HGFAC: variants seen among roughly 807,000 people sequenced by gnomAD.
The protein encoded by HGFAC is hepatocyte growth factor activator serine protease.
HGFAC carries 76 observed loss-of-function variants against 70.6 expected under a neutral mutation model. The observed-to-expected ratio is 1.08, with a 90% CI of 0.89 to 1.30. The LOEUF is 1.30. Ranked by LOEUF, HGFAC falls within the 50% of genes most tolerant of loss-of-function variation. The pLI, the probability that HGFAC is intolerant of heterozygous loss-of-function variation, is 0.00. For synonymous variants in HGFAC, 464 were observed against 405.3 expected, an observed-to-expected ratio of 1.14 and a Z score of -1.74; for missense variants, 1,044 against 933.7, an observed-to-expected ratio of 1.12 and a Z score of -1.54.
intron 7 of HGFAC, 39 bp from the exon 8 acceptor site, chr4:3,444,780 A>G (rs1426983098): frequency 6.3e-7 from 1 of 1,578,522 alleles, no homozygotes; most frequent in South Asian, 1.2e-5. Flanking sequence ...TGCCGGGTGG[A>G]CCCACCGTGG....
At chr4:3,443,247 G>C (rs1006386771) in intron 3 of HGFAC, 94 bp from the exon 4 acceptor site, 24 of 1,338,440 alleles carry the variant, frequency 1.8e-5, no homozygotes, top group Non-Finnish European at 2.3e-5. Flanking sequence ...CACGCAGCAG[G>C]CGGACCCAGT....
chr4:3,446,251 C>T lies in HGFAC; in HGVS notation c.1312C>T (p.His438Tyr), dbSNP rs749967804. 5 of 1,610,206 alleles carry T rather than the reference C, an allele frequency of 3.1e-6. No individual in the cohort carries two copies. The highest frequency in any genetic ancestry group is 3.4e-6 in the Non-Finnish European group (4 of 1,179,238). Reference sequence around the variant, plus strand: ...CAGCTTCTGCGCCGGGAGCCTGGTCCACACCTGCTGGGTGGTGTCGGCCGC... The same window carrying T: ...CAGCTTCTGCGCCGGGAGCCTGGTCTACACCTGCTGGGTGGTGTCGGCCGC... ...GDSFCAGSLV[H>Y]TCWVVSAAHC... Residue 438 changes from histidine to tyrosine, a missense_variant, in exon 10 of 14, where the codon CAC becomes TAC. His to Tyr is a moderately conservative substitution (Grantham distance 83). Coordinates refer to ENST00000382774, the MANE Select transcript of HGFAC (RefSeq NM_001528.4).
intron 13 of HGFAC, 30 bp downstream of exon 13, chr4:3,448,306 G>A (rs199963849): frequency 4.8e-5 from 76 of 1,596,138 alleles, no homozygotes; most frequent in African/African-American, 1.9e-4. Context: ...ACCAGGACCC[G>A]ACTGGTGGGG....
At chr4:3,443,601 C>T (rs933575439) in intron 4 of HGFAC, among the ~76,000 whole-genome samples, 181 bp downstream of exon 4, 3 of 152,198 alleles carry the variant, frequency 2.0e-5, no homozygotes, top group African/African-American at 2.4e-5. Flanking sequence ...GTGGGACCTG[C>T]GTCTCATGGT....
At chr4:3,443,640 C>T (rs899238031) in intron 4 of HGFAC, among the ~76,000 whole-genome samples, 4 of 152,178 alleles carry the variant, frequency 2.6e-5, no homozygotes. Flanking sequence ...GGGGCCAAGG[C>T]GCCGCCTGGT....
chr4:3,446,180 C>CGCTGCCCGGCTCGCACCCCTG lies in HGFAC; in HGVS notation c.1246_1266dup (p.Pro416_Leu422dup), dbSNP rs760952839. On this transcript the variant is annotated inframe_insertion, in exon 10 of 14. Coordinates refer to ENST00000382774, the MANE Select transcript of HGFAC (RefSeq NM_001528.4). ...CCACGTATCATCGGCGGCTCCTCCT[C>CGCTGCCCGGCTCGCACCCCTG]GCTGCCCGGCTCGCACCCCTGGCTG... The CGCTGCCCGGCTCGCACCCCTG allele has an allele frequency of 2.0e-4, 330 of 1,611,014 alleles. No individual in the cohort carries two copies. Among genetic ancestry groups the CGCTGCCCGGCTCGCACCCCTG allele is most frequent in the Non-Finnish European group, 2.7e-4 (323 of 1,179,482 alleles).
rs1413896807 is a variant in HGFAC, at chr4:3,444,842, G to A, written c.865G>A (p.Gly289Arg). 6.2e-7 allele frequency: 1 copy of A among 1,600,472 alleles called. No individual in the cohort carries two copies. Among genetic ancestry groups the A allele is most frequent in the Admixed American group, 1.7e-5 (1 of 58,982 alleles). ...AGAGCCTGATGAGCGCTGCTTCTTGGGGAACGGCACTGGGTACCGTGGCGT... is the reference window on the plus strand; with the variant it reads ...AGAGCCTGATGAGCGCTGCTTCTTGAGGAACGGCACTGGGTACCGTGGCGT... ...NIEPDERCFL[G>R]NGTGYRGVAS... Residue 289 changes from glycine to arginine, a missense_variant, in exon 8 of 14, where the codon GGG becomes AGG. Gly to Arg is a moderately radical substitution (Grantham distance 125). Transcript: ENST00000382774.
Position 3,444,855 on chromosome 4 carries a change from G to T in HGFAC, c.878G>T (p.Gly293Val), listed in dbSNP as rs766476901. Residue 293 changes from glycine to valine, a missense_variant, in exon 8 of 14, where the codon GGG (glycine) becomes GTG (valine). Coordinates refer to ENST00000382774, the MANE Select transcript of HGFAC (RefSeq NM_001528.4). ...CGCTGCTTCTTGGGGAACGGCACTG[G>T]GTACCGTGGCGTGGCCAGCACCTCA... The part of the protein sequence containing the change: ...DERCFLGNGT[G>V]YRGVASTSAS... 1 of 1,604,978 alleles carries T rather than the reference G, an allele frequency of 6.2e-7. No individual in the cohort carries two copies. The highest frequency in any genetic ancestry group is 8.5e-7 in the Non-Finnish European group (1 of 1,176,384).
chr4:3,445,204 T>G, intron 8 of HGFAC, 61 bp from the exon 9 acceptor site: 1 of 1,425,426 alleles, frequency 7.0e-7, no homozygotes, highest in South Asian at 1.2e-5. Flanking sequence ...CGATGCCCCC[T>G]CCCCATGCCC....
In HGFAC at chr4:3,446,141, G is replaced by A. The variant is rs1214950183; in HGVS notation, c.1202G>A (p.Arg401Lys). 2.5e-6 allele frequency: 4 copies of A among 1,611,858 alleles called. No individual in the cohort carries two copies. Among genetic ancestry groups the A allele is most frequent in the East Asian group, 2.2e-5 (1 of 44,862 alleles). Residue 401 changes from arginine (R) to lysine (K), a missense_variant, in exon 10 of 14, where the codon AGG becomes AAG. By Grantham distance (26) the Arg-to-Lys change is conservative. Transcript: ENST00000382774. ...RQACGRRHKK[R>K]TFLRPRIIGG... Reference sequence around the variant, plus strand: ...GCCTGCGGCAGGAGGCACAAGAAGAGGACGTTCCTGCGGCCACGTATCATC... The same window carrying A: ...GCCTGCGGCAGGAGGCACAAGAAGAAGACGTTCCTGCGGCCACGTATCATC...
intron 13 of HGFAC, among the ~76,000 whole-genome samples, chr4:3,448,576 C>T (rs951840127): frequency 7.2e-5 from 11 of 152,232 alleles, no homozygotes; most frequent in African/African-American, 2.4e-4. Context: ...CAGTGCTTTC[C>T]GTGTGACACT....
chr4:3,445,768 C>A lies in HGFAC; in HGVS notation c.1103-274C>A. The A allele has an allele frequency of 3.7e-6, 4 of 1,091,272 alleles. No homozygotes were observed. In the South Asian group the frequency reaches 4.2e-5, roughly 12 times the overall value. The allele number at this position is 1,091,272 out of a possible 1,614,324, so 67.6% of individuals were successfully genotyped here. A position where few individuals can be genotyped will look rare whatever the true frequency, so the allele number is the denominator to read the frequency against. ...GTGGGGGTCTCTGACTGTGCTGGGG[C>A]TGGCTGTGGGGTTCCGGGCTGCTGA... On this transcript the variant is annotated intron_variant, in intron 9 of 13. Coordinates refer to ENST00000382774, the MANE Select transcript of HGFAC (RefSeq NM_001528.4).
At position 3,445,195 on chromosome 4, in the gene HGFAC, G is replaced by A. The variant is rs1052823843; in HGVS notation, c.1017-70G>A. ...GGGGAACCGCCCTGCTGGGGGTTCC[G>A]ATGCCCCCTCCCCATGCCCTCTTCG... On this transcript the variant is annotated intron_variant, in intron 8 of 13. Coordinates refer to ENST00000382774, the MANE Select transcript of HGFAC (RefSeq NM_001528.4). 136 of 1,396,262 alleles carry A rather than the reference G, an allele frequency of 9.7e-5. 2 individuals are homozygous for A. The highest frequency in any genetic ancestry group is 5.4e-4 in the Middle Eastern group (3 of 5,570). 86.5% of individuals were successfully genotyped at this position (1,396,262 alleles called of 1,614,324 possible).
In HGFAC at chr4:3,444,413, G is replaced by A. The variant is rs199942662; in HGVS notation, c.701G>A (p.Arg234Gln). The A allele has an allele frequency of 1.8e-4, 292 of 1,602,602 alleles. 2 individuals are homozygous for A. In the East Asian group the frequency reaches 4.1e-3, roughly 23 times the overall value. Residue 234 changes from arginine (R) to glutamine (Q), a missense_variant, in exon 6 of 14, where the codon CGG (arginine) becomes CAG (glutamine). Transcript: ENST00000382774. The stretch of plus-strand genomic sequence containing the variant: ...GAACAGTGCGAGTGCTTCGGGGGCC[G>A]GACCTGGTGCGAAGGCACCCGACAT... ...HVEQCECFGG[R>Q]TWCEGTRHTA...
rs367852767 is a variant in HGFAC, at chr4:3,444,149, G to A, written c.586G>A (p.Asp196Asn). 5.6e-6 allele frequency: 9 copies of A among 1,609,314 alleles called. No individual in the cohort carries two copies. Among genetic ancestry groups the A allele is most frequent in the African/African-American group, 1.3e-5 (1 of 74,816 alleles). Residue 196 changes from aspartate to asparagine, a missense_variant, in exon 5 of 14, where the codon GAC becomes AAC. Transcript: ENST00000382774. The stretch of plus-strand genomic sequence containing the variant: ...CTGCCCCCGGGCCTTCACCGGCAAG[G>A]ACTGCGGCACAGGTGAGCTGGGCCT... Reference protein sequence around the residue: ...CSCPRAFTGKDCGTEKCFDET... With the variant: ...CSCPRAFTGKNCGTEKCFDET...
chr4:3,447,744 G>T (rs1725566697), intron 11 of HGFAC, 113 bp downstream of exon 11: 3 of 1,541,804 alleles, frequency 1.9e-6, no homozygotes, highest in South Asian at 1.2e-5. Context: ...GGAAGCTGGG[G>T]GCAGGGCAGG....
Position 3,448,204 on chromosome 4 carries a change from G to C in HGFAC, c.1713G>C (p.Glu571Asp). The C allele has an allele frequency of 6.2e-7, 1 of 1,607,020 alleles. No individual in the cohort carries two copies. The highest frequency in any genetic ancestry group is 8.5e-7 in the Non-Finnish European group (1 of 1,178,230). Residue 571 changes from glutamate (E) to aspartate (D), a missense_variant, in exon 13 of 14, where the codon GAG (glutamate) becomes GAC (aspartate). Coordinates refer to ENST00000382774, the MANE Select transcript of HGFAC (RefSeq NM_001528.4). The stretch of plus-strand genomic sequence containing the variant: ...CCGACCACAAGTGCAGCAGCCCTGA[G>C]GTCTACGGCGCCGACATCAGCCCCA... ...LVADHKCSSPEVYGADISPNM... is the reference protein window; with the variant it reads ...LVADHKCSSPDVYGADISPNM...
At position 3,447,636 on chromosome 4, in the gene HGFAC, G is replaced by T. The variant is rs1367408236; in HGVS notation, c.1495+5G>T. Reference sequence around the variant, plus strand: ...ACCCCAGCGACCACGACCTCGGTGAGCTCCGGCGTGTCGTGGCTGCACTCT... The same window carrying T: ...ACCCCAGCGACCACGACCTCGGTGATCTCCGGCGTGTCGTGGCTGCACTCT... On this transcript the variant is annotated splice_donor_5th_base_variant and intron_variant, in intron 11 of 13. Transcript: ENST00000382774. The T allele has an allele frequency of 6.2e-7, 1 of 1,612,300 alleles. No homozygotes were observed. Among genetic ancestry groups the T allele is most frequent in the Non-Finnish European group, 8.5e-7 (1 of 1,179,712 alleles).
At chr4:3,444,183 C>CCCAACCTG in intron 5 of HGFAC, 22 bp downstream of exon 5, 1 of 1,587,808 alleles carries the variant, frequency 6.3e-7, no homozygotes, top group Non-Finnish European at 8.6e-7. Context: ...CTCGGAGGTC[C>CCCAACCTG]GCAGGGGTCC....
Sources: gnomAD v4.1 joint callset for allele counts (sites outside exome capture counted in the v4.1 genomes callset) on GRCh38, gnomAD v4.1.1 for gene constraint, MANE v1.5 for transcripts, NCBI Gene and HGNC (gene_info 2026-07-23, HGNC 2026-07-21) for gene names.